Variants in ERMAP observed in about 807,000 individuals in gnomAD.
ERMAP encodes the protein erythroid membrane-associated protein.
Under a neutral mutation model 49.5 loss-of-function variants are expected in ERMAP, and 34 were observed. That is an observed-to-expected ratio of 0.69 (90% CI 0.52 to 0.91). ERMAP has a LOEUF of 0.91. Among genes scored for constraint, ERMAP ranks in the 40% least tolerant of loss-of-function variants. ERMAP has a pLI of 0.00. For missense variants in ERMAP, 541 were observed against 582.6 expected, an observed-to-expected ratio of 0.93 and a Z score of 0.74; for synonymous variants, 214 against 232.2, an observed-to-expected ratio of 0.92 and a Z score of 0.71.
chr1:42,829,954 T>G, intron 2 of ERMAP: 1 of 159,694 alleles, frequency 6.3e-6, no homozygotes, highest in East Asian at 1.8e-4. Context: ...TTATCAAGAG[T>G]CAAACTGGAA....
At chr1:42,839,325 A>T (rs1443878106) in intron 8 of ERMAP, 1 of 201,176 alleles carries the variant, frequency 5.0e-6, no homozygotes, top group African/African-American at 2.3e-5. Context: ...ATTAAAAAAA[A>T]ATCTGGCCAG....
rs775388069 is a variant in ERMAP at position 42,840,154 on chromosome 1, T to C, written c.661T>C (p.Leu221=). Residue 221 remains leucine (L), a splice_region_variant and synonymous_variant, in exon 10 of 12, where the codon TTG becomes CTG. Transcript: ENST00000372517. The part of the protein sequence containing the change: ...AVKKLRSELK[L]KRAAANSGWR... ...TCCCCTTGTTTCTTCTTTCATAGAGTTGAAAAGAGCTGCAGCAAACTCAGG... is the reference window on the plus strand; with the variant it reads ...TCCCCTTGTTTCTTCTTTCATAGAGCTGAAAAGAGCTGCAGCAAACTCAGG... The C allele has an allele frequency of 1.9e-5, 30 of 1,614,176 alleles. No homozygotes were observed. In the East Asian group the frequency reaches 6.5e-4, roughly 35 times the overall value.
intron 3 of ERMAP, 45 bp downstream of exon 3, chr1:42,830,578 T>C: frequency 6.3e-7 from 1 of 1,584,562 alleles, no homozygotes; most frequent in Non-Finnish European, 8.7e-7. Context: ...CATGTGATAT[T>C]GGCGTCCCCA....
rs1434682020 is a variant in ERMAP at position 42,844,591 on chromosome 1, T to A, written c.*1359T>A. On this transcript the variant is annotated 3_prime_UTR_variant, in exon 12 of 12. Coordinates refer to ENST00000372517, the MANE Select transcript of ERMAP (RefSeq NM_001017922.2). The surrounding 1 kb of genome is among the most constrained non-coding windows in gnomAD (Gnocchi z 4.0). ...GTCCCATGAGAGCTGATGGTTTAGT[T>A]CCAGTCTGATGGCAGCAGGCTTGAC... 5 of 153,030 alleles carry A rather than the reference T, an allele frequency of 3.3e-5. No homozygotes were observed. The highest frequency in any genetic ancestry group is 1.2e-4 in the African/African-American group (5 of 41,472). 9.5% of individuals were successfully genotyped at this position (153,030 alleles called of 1,614,324 possible).
chr1:42,824,347 CA>C (rs35093689), intron 1 of ERMAP: 118 of 137,650 alleles, frequency 8.6e-4, no homozygotes, highest in Admixed American at 1.2e-3. Context: ...GACTCTGTCT[CA>C]AAAAAAAAAA....
At position 42,843,948 on chromosome 1, in the gene ERMAP, G is replaced by A; in HGVS notation, c.*716G>A. 1 of 397,050 alleles carries A rather than the reference G, an allele frequency of 2.5e-6. No individual in the cohort carries two copies. The highest frequency in any genetic ancestry group is 4.4e-6 in the Non-Finnish European group (1 of 225,450). 24.6% of individuals were successfully genotyped at this position (397,050 alleles called of 1,614,324 possible). A position where few individuals can be genotyped will look rare whatever the true frequency, so the allele number is the denominator to read the frequency against. On this transcript the variant is annotated 3_prime_UTR_variant, in exon 12 of 12. Transcript: ENST00000372517. ...AGCCCCAGGAGCACATCAGGGAGCT[G>A]GGAAACACAGTTGCAGAGAACTCAG... is the stretch of plus-strand genomic sequence containing the variant.
chr1:42,830,772 C>G lies in ERMAP; in HGVS notation c.90C>G (p.His30Gln). Residue 30 changes from histidine to glutamine, a missense_variant, in exon 4 of 12, where the codon CAC (histidine) becomes CAG (glutamine). By Grantham distance (24) the His-to-Gln change is conservative (BLOSUM62 0). Transcript: ENST00000372517. ...CTTGTCTCTTTTTTTGTCCAGGCCACGCAGGGGATGCCGGCAAGTTCCACG... is the reference window on the plus strand; with the variant it reads ...CTTGTCTCTTTTTTTGTCCAGGCCAGGCAGGGGATGCCGGCAAGTTCCACG... ...FLRLSVHVSG[H>Q]AGDAGKFHVA... The G allele has an allele frequency of 6.5e-7, 1 of 1,539,298 alleles. No individual in the cohort carries two copies. The highest frequency in any genetic ancestry group is 8.8e-7 in the Non-Finnish European group (1 of 1,142,090).
chr1:42,830,690 G>A, intron 3 of ERMAP, 78 bp from the exon 4 acceptor site: 1 of 1,440,144 alleles, frequency 6.9e-7, no homozygotes, highest in Non-Finnish European at 9.3e-7. Flanking sequence ...TCCGTCCCCG[G>A]GATATCCTCT....
chr1:42,836,377 G>A (rs767382101), intron 6 of ERMAP, among the ~76,000 whole-genome samples: 9 of 152,128 alleles, frequency 5.9e-5, no homozygotes, highest in African/African-American at 1.2e-4. Flanking sequence ...AAGCATGGTC[G>A]GGGAAAGCAG....
Position 42,842,797 on chromosome 1 carries a change from G to A in ERMAP, c.993G>A (p.Leu331=). The change falls in exon 12 of 12, where the codon CTG becomes CTA. Residue 331 remains leucine (L), a synonymous_variant. Transcript: ENST00000372517. Reference sequence around the variant, plus strand: ...CACCTGCCAATGGACACTGGCTTCTGCGACAGAGTCGTGGGAATGAGTATG... The same window carrying A: ...CACCTGCCAATGGACACTGGCTTCTACGACAGAGTCGTGGGAATGAGTATG... The part of the protein sequence containing the change: ...TASPANGHWL[L]RQSRGNEYEA... The A allele has an allele frequency of 6.2e-7, 1 of 1,614,180 alleles. No homozygotes were observed. The highest frequency in any genetic ancestry group is 1.3e-5 in the African/African-American group (1 of 75,042).
At chr1:42,836,903 T>TA (rs35894122) in intron 6 of ERMAP, 103,568 of 265,124 alleles carry the variant, frequency 0.39, 12,538 homozygotes, top group East Asian at 0.54. Flanking sequence ...GTGGCAGATT[T>TA]AAAAAAAAAA....
Position 42,831,002 on chromosome 1 carries a change from G to A in ERMAP, c.320G>A (p.Gly107Glu), listed in dbSNP as rs761839957. 5.2e-5 allele frequency: 84 copies of A among 1,614,116 alleles called. No homozygotes were observed. The highest frequency in any genetic ancestry group is 6.7e-5 in the Admixed American group (4 of 60,008). Residue 107 changes from glycine (G) to glutamate (E), a missense_variant, in exon 4 of 12, where the codon GGA becomes GAA. By Grantham distance (98) the Gly-to-Glu change is moderately conservative (BLOSUM62 -2). Coordinates refer to ENST00000372517, the MANE Select transcript of ERMAP (RefSeq NM_001017922.2). ...RTVLVRDAQEGSVTLQILDVR... is the reference protein window; with the variant it reads ...RTVLVRDAQEESVTLQILDVR... ...GTGCTAGTGAGAGATGCCCAAGAGG[G>A]AAGTGTCACTCTGCAGATCCTTGAC...
intron 4 of ERMAP, among the ~76,000 whole-genome samples, chr1:42,832,523 C>G (rs34867079): frequency 6.6e-5 from 10 of 151,802 alleles, no homozygotes; most frequent in African/African-American, 2.4e-4. Flanking sequence ...TGTGCCACCA[C>G]GCCCGGCTAA....
intron 5 of ERMAP, 76 bp from the exon 6 acceptor site, chr1:42,835,656 G>T: frequency 6.3e-7 from 1 of 1,591,102 alleles, no homozygotes. Context: ...CAGGCAGCTG[G>T]GGGCATCTTG....
rs747991632 is a variant in ERMAP at position 42,842,501 on chromosome 1, CTG to C, written c.713-12_713-11del. The C allele has an allele frequency of 6.2e-7, 1 of 1,603,208 alleles. No homozygotes were observed. Among genetic ancestry groups the C allele is most frequent in the South Asian group, 1.1e-5 (1 of 89,260 alleles). On this transcript the variant is annotated splice_polypyrimidine_tract_variant and intron_variant, in intron 11 of 11. Coordinates refer to ENST00000372517, the MANE Select transcript of ERMAP (RefSeq NM_001017922.2). ...ACCTATACTTCCAAGCCTCACCTGTCTGTGTCTCTTTGCAGTGGCAGTGACCC... is the reference window on the plus strand; with the variant it reads ...ACCTATACTTCCAAGCCTCACCTGTCTGTCTCTTTGCAGTGGCAGTGACCC...
In ERMAP at chr1:42,819,412, A is replaced by C. The variant is rs564244286; in HGVS notation, c.-122+2159A>C. On this transcript the variant is annotated intron_variant, in intron 1 of 11. Transcript: ENST00000372517. This position sits in a 1 kb window ranked among gnomAD's most constrained non-coding sequence, Gnocchi z 5.1. ...TGAATGTTGAGGCTGAACACTGTCA[A>C]AGTCCCCTCTCTATTCTTTCCATGA... 1.1e-3 allele frequency among the ~76,000 whole-genome samples: 164 copies of C among 152,026 alleles called. No individual in the cohort carries two copies. The South Asian group carries it at 0.012, about 12-fold the overall frequency.
intron 1 of ERMAP, among the ~76,000 whole-genome samples, chr1:42,822,435 C>A (rs1056738130): frequency 1.3e-5 from 2 of 152,170 alleles, no homozygotes. Flanking sequence ...CCGCCTGGCT[C>A]AGCCTCCCAA....
chr1:42,840,294 T>C lies in ERMAP; in HGVS notation c.710T>C (p.Phe237Ser). The C allele has an allele frequency of 6.2e-7, 1 of 1,614,082 alleles. No homozygotes were observed. Reference protein sequence around the residue: ...NSGWRRARLHFVAVTLDPDTA... With the variant: ...NSGWRRARLHSVAVTLDPDTA... ...GGCTGGAGAAGAGCCCGGTTGCATT[T>C]TGGTAAGTTATACCAATCAAATAGG... is the stretch of plus-strand genomic sequence containing the variant. Residue 237 changes from phenylalanine to serine, a missense_variant and splice_region_variant, in exon 11 of 12, where the codon TTT (phenylalanine) becomes TCT (serine). Physicochemically the swap from Phe to Ser is radical, Grantham distance 155. Coordinates refer to ENST00000372517, the MANE Select transcript of ERMAP (RefSeq NM_001017922.2).
intron 2 of ERMAP, 78 bp downstream of exon 2, chr1:42,825,816 C>T: frequency 7.9e-6 from 10 of 1,264,920 alleles, no homozygotes; most frequent in Non-Finnish European, 1.0e-5. Context: ...GAGAAATAAT[C>T]CCCTTTCTCC....
Sources: gnomAD v4.1 joint callset for allele counts (sites outside exome capture counted in the v4.1 genomes callset) on GRCh38, gnomAD v4.1.1 for gene constraint, Gnocchi (gnomAD v3.1) non-coding constraint, MANE v1.5 for transcripts, NCBI Gene and HGNC (gene_info 2026-07-23, HGNC 2026-07-21) for gene names.